ADGRV1: variants seen among roughly 807,000 people sequenced by gnomAD.
The protein encoded by ADGRV1 is G-protein coupled receptor 98.
In ADGRV1, 359 loss-of-function variants were observed where a neutral mutation model predicts 596.2. That is an observed-to-expected ratio of 0.60 (90% CI 0.55 to 0.66). The LOEUF (loss-of-function observed/expected upper bound fraction) is 0.66. Ranked by LOEUF, ADGRV1 falls within the 30% of genes least tolerant of loss-of-function variation. The probability of loss-of-function intolerance (pLI) is 0.00; values close to 1 mark genes in which losing one functional copy is unlikely to be tolerated. For missense variants in ADGRV1, 7,274 were observed against 7,575.6 expected (o/e 0.96, Z 1.48); for synonymous variants, 2,681 against 2,679.2 (o/e 1.00, Z -0.02).
At position 90,596,149 on chromosome 5, in the gene ADGRV1, A is replaced by G. The variant is rs1364935717; in HGVS notation, c.23-18686A>G. On this transcript the variant is annotated intron_variant, in intron 1 of 89. Transcript: ENST00000405460. ...GGCAGAGGCGCTCCTCACATCCCAG[A>G]CAGGGCGGCGGGGCAGAGGCGCTCC... 2.4e-4 allele frequency among the ~76,000 whole-genome samples: 33 copies of G among 139,056 alleles called. No homozygotes were observed. In the Middle Eastern group the frequency reaches 0.018, roughly 75 times the overall value. 91.2% of individuals were successfully genotyped at this position (139,056 alleles called of 152,430 possible).
intron 20 of ADGRV1, among the ~76,000 whole-genome samples, chr5:90,657,563 T>TAC (rs1769593293): frequency 1.3e-5 from 2 of 152,314 alleles, no homozygotes; most frequent in South Asian, 4.1e-4. Context: ...TGCACATACA[T>TAC]ACATGCATAC....
chr5:90,784,657 C>T (rs1759226698), intron 67 of ADGRV1, among the ~76,000 whole-genome samples: 1 of 152,164 alleles, frequency 6.6e-6, no homozygotes, highest in South Asian at 2.1e-4. Context: ...TGGTCGGGGC[C>T]TGGAGTTAAG....
intron 83 of ADGRV1, among the ~76,000 whole-genome samples, chr5:90,888,514 A>G (rs1770512481): frequency 6.6e-6 from 1 of 152,192 alleles, no homozygotes; most frequent in South Asian, 2.1e-4. Context: ...AAAAGTTGGA[A>G]TGATACATTC....
chr5:90,571,055 C>G (rs154572), intron 1 of ADGRV1, among the ~76,000 whole-genome samples: 79,679 of 151,746 alleles, frequency 0.53, 21,152 homozygotes, highest in South Asian at 0.59. Flanking sequence ...CTCCCTCTTC[C>G]TAGGGTTTGT....
intron 87 of ADGRV1, among the ~76,000 whole-genome samples, chr5:91,107,626 A>T (rs1207840973): frequency 6.6e-6 from 1 of 152,208 alleles, no homozygotes; most frequent in African/African-American, 2.4e-5. Context: ...TGAGATAAAA[A>T]TTTTAAAAAG....
chr5:90,781,562 G>A lies in ADGRV1; in HGVS notation c.13215G>A (p.Lys4405=). ...AAGGCATCATTGAATTTGACCCAAA[G>A]TATACTGCCTTCGAAGGTAGGTTCA... ...NAEGIIEFDP[K]YTAFEVEEDV... is the part of the protein sequence containing the mutation. Residue 4405 remains lysine (K), a synonymous_variant, in exon 65 of 90, where the codon AAG becomes AAA. Coordinates refer to ENST00000405460, the MANE Select transcript of ADGRV1 (RefSeq NM_032119.4). 1 of 1,606,674 alleles carries A rather than the reference G, an allele frequency of 6.2e-7. No homozygotes were observed. The highest frequency in any genetic ancestry group is 1.1e-5 in the South Asian group (1 of 90,270).
At chr5:90,584,807 C>A (rs2151981865) in intron 1 of ADGRV1, among the ~76,000 whole-genome samples, 1 of 152,218 alleles carries the variant, frequency 6.6e-6, no homozygotes, top group Non-Finnish European at 1.5e-5. Flanking sequence ...GTATTAAGTT[C>A]TACTATATTT....
chr5:90,772,037 C>A (rs1757750148), intron 59 of ADGRV1, among the ~76,000 whole-genome samples: 1 of 152,092 alleles, frequency 6.6e-6, no homozygotes, highest in South Asian at 2.1e-4. Context: ...TTGTAGATTT[C>A]TTTGAGAAAT....
chr5:90,627,181 G>C (rs1178252863), intron 6 of ADGRV1, 30 bp from the exon 7 acceptor site: 1 of 1,307,016 alleles, frequency 7.7e-7, no homozygotes, highest in African/African-American at 1.5e-5. Context: ...GGCTGTTGAT[G>C]TTTTGCCTCT....
At chr5:90,894,706 C>T (rs529437599) in intron 83 of ADGRV1, among the ~76,000 whole-genome samples, 3 of 152,238 alleles carry the variant, frequency 2.0e-5, no homozygotes, top group African/African-American at 4.8e-5. Context: ...CACAAGAAAT[C>T]GCAGAGTGCA....
intron 75 of ADGRV1, among the ~76,000 whole-genome samples, chr5:90,817,182 A>G (rs1762983856): frequency 6.6e-6 from 1 of 150,736 alleles, no homozygotes; most frequent in South Asian, 2.1e-4. Context: ...GCATTTTTTC[A>G]TGTGTTTTTT....
intron 74 of ADGRV1, among the ~76,000 whole-genome samples, chr5:90,815,206 T>G (rs1762782389): frequency 6.6e-6 from 1 of 152,234 alleles, no homozygotes; most frequent in Non-Finnish European, 1.5e-5. Context: ...CAACACTTAC[T>G]ATATGCTCAG....
chr5:90,693,778 T>C (rs757033667), intron 32 of ADGRV1, 112 bp from the exon 33 acceptor site: 105 of 775,662 alleles, frequency 1.4e-4, no homozygotes, highest in Non-Finnish European at 1.9e-4. Context: ...GTTTGTACTA[T>C]GACTTTAAAC....
intron 85 of ADGRV1, among the ~76,000 whole-genome samples, chr5:91,016,226 G>A (rs1440115391): frequency 3.3e-5 from 5 of 151,912 alleles, no homozygotes; most frequent in Admixed American, 2.6e-4. Context: ...CCTTAACAAT[G>A]ACAAACAATA....
chr5:90,823,280 A>G (rs1047316701), intron 75 of ADGRV1, 145 bp from the exon 76 acceptor site: 9 of 770,696 alleles, frequency 1.2e-5, no homozygotes, highest in African/African-American at 1.8e-5. Flanking sequence ...CTGCATCATC[A>G]GTGGTAAAGT....
intron 20 of ADGRV1, 147 bp from the exon 21 acceptor site, chr5:90,657,758 T>C (rs956899706): frequency 1.7e-6 from 1 of 605,978 alleles, no homozygotes; most frequent in East Asian, 3.0e-5. Context: ...GAAGATAATA[T>C]CCAATTCATT....
At chr5:90,874,727 A>G (rs893081198) in intron 83 of ADGRV1, among the ~76,000 whole-genome samples, 8 of 152,022 alleles carry the variant, frequency 5.3e-5, no homozygotes, top group Middle Eastern at 3.4e-3. Context: ...GCGTGGTGGC[A>G]TGCACCTGTA....
At chr5:91,158,151 A>C (rs1314573682) in intron 89 of ADGRV1, among the ~76,000 whole-genome samples, 1 of 152,170 alleles carries the variant, frequency 6.6e-6, no homozygotes, top group Non-Finnish European at 1.5e-5. Flanking sequence ...TTTCTACTTG[A>C]GATTATGTGA....
At chr5:91,134,253 T>G (rs542047760) in intron 87 of ADGRV1, among the ~76,000 whole-genome samples, 4 of 152,034 alleles carry the variant, frequency 2.6e-5, no homozygotes, top group African/African-American at 9.6e-5. Context: ...AGTGGCCTGA[T>G]CATCGCTCAC....
Sources: allele counts gnomAD v4.1 joint callset (sites outside exome capture counted in the v4.1 genomes callset), GRCh38; gene constraint gnomAD v4.1.1; transcripts MANE v1.5; gene names NCBI Gene and HGNC (gene_info 2026-07-23, HGNC 2026-07-21).